The following PIEZO2 variants were observed in gnomAD, a reference collection of about 807,000 sequenced individuals.
PIEZO2 encodes piezo type mechanosensitive ion channel component 2, also known as piezo-type mechanosensitive ion channel component 2.
A neutral mutation model predicts 337.3 loss-of-function variants in PIEZO2; 172 were observed. The observed-to-expected ratio is 0.51, with a 90% CI of 0.45 to 0.58. The LOEUF is 0.58. PIEZO2 is among the 20% of genes least tolerant of loss of function. The pLI, the probability that PIEZO2 is intolerant of heterozygous loss-of-function variation, is 0.00. For synonymous variants in PIEZO2, 1,251 were observed against 1,228.5 expected, an observed-to-expected ratio of 1.02 and a Z score of -0.38; for missense variants, 3,028 against 3,391.3, an observed-to-expected ratio of 0.89 and a Z score of 2.66.
At chr18:10,975,786 C>G (rs1319366336) in intron 3 of PIEZO2, among the ~76,000 whole-genome samples, 1 of 152,144 alleles carries the variant, frequency 6.6e-6, no homozygotes, top group Non-Finnish European at 1.5e-5. Flanking sequence ...AAATTTAACA[C>G]CTATAAATGA....
At chr18:10,812,796 C>T (rs1019556583) in intron 7 of PIEZO2, among the ~76,000 whole-genome samples, 8 of 152,148 alleles carry the variant, frequency 5.3e-5, no homozygotes, top group Non-Finnish European at 7.4e-5. Context: ...TGTTTCTGCT[C>T]GCACATGTTG....
In PIEZO2 at chr18:10,784,866, G is replaced by A; in HGVS notation, c.2410C>T (p.His804Tyr). 2 of 1,537,738 alleles carry A rather than the reference G, an allele frequency of 1.3e-6. No individual in the cohort carries two copies. Among genetic ancestry groups the A allele is most frequent in the South Asian group, 1.2e-5 (1 of 84,054 alleles). Residue 804 changes from histidine to tyrosine, a missense_variant, in exon 17 of 56, where the codon CAC becomes TAC. Coordinates refer to ENST00000674853, the MANE Select transcript of PIEZO2 (RefSeq NM_001378183.1). This position sits in a 1 kb window ranked among gnomAD's most constrained non-coding sequence, Gnocchi z 4.5. ...AACCGGTCATGGAAGTAGTGCAGGT[G>A]TAAAATGCACACCAGCAGAAAGGAG... ...PTSFLLVCIL[H>Y]LHYFHDRFLE...
In PIEZO2 at chr18:11,054,333, T is replaced by C. The variant is rs527482542; in HGVS notation, c.160+11794A>G. Among the ~76,000 whole-genome samples, 3 of 152,356 alleles carry C rather than the reference T, an allele frequency of 2.0e-5. No homozygotes were observed. In the South Asian group the frequency reaches 6.2e-4, roughly 32 times the overall value. ...CCAAATCCCATGGCTTATGATATCCTAAGCTTCTGTCTCCAGAGGACTGCT... is the reference window on the plus strand; with the variant it reads ...CCAAATCCCATGGCTTATGATATCCCAAGCTTCTGTCTCCAGAGGACTGCT... On this transcript the variant is annotated intron_variant, in intron 2 of 55. Coordinates refer to ENST00000674853, the MANE Select transcript of PIEZO2 (RefSeq NM_001378183.1).
At chr18:10,753,252 G>A (rs1014283170) in intron 27 of PIEZO2, among the ~76,000 whole-genome samples, 1 of 152,220 alleles carries the variant, frequency 6.6e-6, no homozygotes, top group African/African-American at 2.4e-5. Flanking sequence ...GAAAAGTTAA[G>A]AATGGATGAA....
chr18:11,142,409 C>G (rs984839788), intron 1 of PIEZO2, among the ~76,000 whole-genome samples: 1 of 152,134 alleles, frequency 6.6e-6, no homozygotes, highest in Non-Finnish European at 1.5e-5. Flanking sequence ...GATTTTGCCA[C>G]GTCCTAGACA....
chr18:10,994,402 T>A (rs1251580528), intron 2 of PIEZO2, among the ~76,000 whole-genome samples: 1 of 46,870 alleles, frequency 2.1e-5, no homozygotes, highest in Non-Finnish European at 5.6e-5. Context: ...TGTTCTTTCT[T>A]TTTTTTTTTT....
rs569010719 is a variant in PIEZO2 at position 10,783,681 on chromosome 18, G to A, written c.2492+1103C>T. On this transcript the variant is annotated intron_variant, in intron 17 of 55. Transcript: ENST00000674853. This position sits in a 1 kb window ranked among gnomAD's most constrained non-coding sequence, Gnocchi z 4.3. ...TCCTGGTGGCTAGATAGCAAAACAA[G>A]TCATGACTGATTGATACCTCTTGGT... 1.1e-4 allele frequency among the ~76,000 whole-genome samples: 17 copies of A among 152,280 alleles called. No individual in the cohort carries two copies. In the South Asian group the frequency reaches 3.5e-3, roughly 32 times the overall value.
rs1016286824 is a variant in PIEZO2, at chr18:11,142,419, AG to A, written c.64+6105del. Among the ~76,000 whole-genome samples, 22 of 152,328 alleles carry A rather than the reference AG, an allele frequency of 1.4e-4. 1 individual carries two copies. The highest frequency in any genetic ancestry group is 8.5e-4 in the Admixed American group (13 of 15,304). ...ATTTTGATTTTGCCACGTCCTAGAC[AG>A]GTCTGGAAGGTCAAGTGGAAGCTCT... On this transcript the variant is annotated intron_variant, in intron 1 of 55. Coordinates refer to ENST00000674853, the MANE Select transcript of PIEZO2 (RefSeq NM_001378183.1).
At chr18:10,885,593 G>C (rs932924861) in intron 4 of PIEZO2, among the ~76,000 whole-genome samples, 1 of 152,268 alleles carries the variant, frequency 6.6e-6, no homozygotes, top group Non-Finnish European at 1.5e-5. Context: ...ATCTAGAAAT[G>C]AGAACGAATG....
At chr18:10,709,877 T>A (rs1048448023) in intron 39 of PIEZO2, among the ~76,000 whole-genome samples, 2 of 152,232 alleles carry the variant, frequency 1.3e-5, no homozygotes, top group Non-Finnish European at 2.9e-5. Context: ...TTTTGTTTTG[T>A]TTTGCCCTAA....
At chr18:11,088,136 ACC>A (rs531931231) in intron 1 of PIEZO2, among the ~76,000 whole-genome samples, 1 of 152,096 alleles carries the variant, frequency 6.6e-6, no homozygotes, top group Admixed American at 6.5e-5. Context: ...TCTTTTCCCT[ACC>A]CCCACAATTA....
intron 2 of PIEZO2, among the ~76,000 whole-genome samples, chr18:11,062,909 G>C (rs2038019047): frequency 6.6e-6 from 1 of 151,966 alleles, no homozygotes; most frequent in African/African-American, 2.4e-5. Context: ...CGCATTACTG[G>C]GTATATACCC....
intron 18 of PIEZO2, 42 bp from the exon 19 acceptor site, chr18:10,774,080 A>C: frequency 1.4e-6 from 1 of 702,076 alleles, no homozygotes; most frequent in East Asian, 2.7e-5. Context: ...AAAGGAGATG[A>C]GAACAGAAGA....
At chr18:11,067,722 A>G (rs1365072841) in intron 1 of PIEZO2, among the ~76,000 whole-genome samples, 1 of 152,240 alleles carries the variant, frequency 6.6e-6, no homozygotes, top group Non-Finnish European at 1.5e-5. Context: ...TAAAGCAAAT[A>G]TCAACGGATA....
Position 10,773,449 on chromosome 18 carries a change from C to G in PIEZO2, c.2748G>C (p.Glu916Asp). ...KDSEESEEDGEEEEESEEEEE... is the reference protein window; with the variant it reads ...KDSEESEEDGDEEEESEEEEE... ...CCTCCTCCTCGGATTCCTCCTCTTC[C>G]TCTCCGTCCTCCTCTGACTCCTCGC... The change falls in exon 20 of 56, where the codon GAG (glutamate) becomes GAC (aspartate). Residue 916 changes from glutamate to aspartate, a missense_variant. Transcript: ENST00000674853. This position sits in a 1 kb window ranked among gnomAD's most constrained non-coding sequence, Gnocchi z 5.3. 6.5e-7 allele frequency: 1 copy of G among 1,537,418 alleles called. No homozygotes were observed. Among genetic ancestry groups the G allele is most frequent in the Non-Finnish European group, 8.7e-7 (1 of 1,146,976 alleles).
chr18:11,129,659 T>G lies in PIEZO2; in HGVS notation c.64+18866A>C, dbSNP rs1180801488. The stretch of plus-strand genomic sequence containing the variant: ...ACCCCACTACATTACGGACAATATA[T>G]GCAGTGAATCTTTCTCCCATTCTTC... On this transcript the variant is annotated intron_variant, in intron 1 of 55. Transcript: ENST00000674853. This position sits in a 1 kb window ranked among gnomAD's most constrained non-coding sequence, Gnocchi z 4.6. 2.6e-5 allele frequency among the ~76,000 whole-genome samples: 4 copies of G among 152,266 alleles called. No individual in the cohort carries two copies. In the East Asian group the frequency reaches 7.7e-4, roughly 29 times the overall value.
chr18:10,891,327 A>T (rs1470263202), intron 4 of PIEZO2, among the ~76,000 whole-genome samples: 1 of 152,188 alleles, frequency 6.6e-6, no homozygotes, highest in African/African-American at 2.4e-5. Flanking sequence ...TGTTAAAAAA[A>T]AATAAAAGAA....
At position 10,672,854 on chromosome 18, in the gene PIEZO2, A is replaced by G. The variant is rs142605748; in HGVS notation, c.8181T>C (p.Ile2727=). 27,753 of 1,600,238 alleles carry G rather than the reference A, an allele frequency of 0.017. 314 individuals are homozygous for G. The highest frequency in any genetic ancestry group is 0.056 in the Middle Eastern group (336 of 6,008). Residue 2727 remains isoleucine (I), a synonymous_variant, in exon 55 of 56, where the codon ATT becomes ATC. Coordinates refer to ENST00000674853, the MANE Select transcript of PIEZO2 (RefSeq NM_001378183.1). This position sits in a 1 kb window ranked among gnomAD's most constrained non-coding sequence, Gnocchi z 4.7. ...QLLSENNFMD[I]TIILSRDNTT... is the part of the protein sequence containing the mutation. ...TATTGTCTCTGGACAAAATGATGGT[A>G]ATATCCATGAAATTATTTTCTAGAA...
At position 10,750,103 on chromosome 18, in the gene PIEZO2, C is replaced by G. The variant is rs1417394536; in HGVS notation, c.4252G>C (p.Gly1418Arg). 1.3e-6 allele frequency: 2 copies of G among 1,536,760 alleles called. No individual in the cohort carries two copies. Residue 1418 changes from glycine to arginine, a missense_variant, in exon 29 of 56, where the codon GGC becomes CGC. By Grantham distance (125) the Gly-to-Arg change is moderately radical (BLOSUM62 -2). Around this residue, in one of 5 missense-constraint regions of PIEZO2, gnomAD observed 1,925 missense variants for 2,051.9 expected, o/e 0.94. Transcript: ENST00000674853. This position sits in a 1 kb window ranked among gnomAD's most constrained non-coding sequence, Gnocchi z 4.1. ...TTTTCATACTTACGCATTTGATAGC[C>G]TTTGACTGTGCAGGCCAGGCTGAAA... is the stretch of plus-strand genomic sequence containing the variant. The part of the protein sequence containing the change: ...QAFSLACTVK[G>R]YQMPAANSPC...
Sources: allele counts gnomAD v4.1 joint callset (sites outside exome capture counted in the v4.1 genomes callset), GRCh38; gene constraint gnomAD v4.1.1; regional missense constraint gnomAD v4.1.1; non-coding constraint Gnocchi (gnomAD v3.1); transcripts MANE v1.5; gene names NCBI Gene and HGNC (gene_info 2026-07-23, HGNC 2026-07-21).